PIGQ: variants seen among roughly 807,000 people sequenced by gnomAD.
PIGQ encodes the protein phosphatidylinositol N-acetylglucosaminyltransferase subunit Q.
A neutral mutation model predicts 60.3 loss-of-function variants in PIGQ; 54 were observed. The observed-to-expected ratio is 0.90, with a 90% CI of 0.72 to 1.12. The LOEUF (loss-of-function observed/expected upper bound fraction) is 1.12, where lower values mean the gene tolerates loss of function less well. PIGQ is among the 50% of genes most tolerant of loss of function. The pLI, the probability that PIGQ is intolerant of heterozygous loss-of-function variation, is 0.00. For synonymous variants in PIGQ, 416 were observed against 363.7 expected, an observed-to-expected ratio of 1.14 and a Z score of -1.64; for missense variants, 799 against 793.5, an observed-to-expected ratio of 1.01 and a Z score of -0.08.
Position 574,622 on chromosome 16 carries a change from AG to A in PIGQ, c.551del (p.Gly184AlafsTer5), listed in dbSNP as rs767373792. The part of the protein sequence containing the change: ...EVLFRSDRFD[E>X]GPVRLSHWQS... ...CTCTTCCGCAGTGACCGCTTTGATG[AG>A]GGCCCCGTGCGGCTGAGCCACTGGC... On this transcript the variant is annotated frameshift_variant, in exon 2 of 11. Coordinates refer to ENST00000321878, the MANE Select transcript of PIGQ (RefSeq NM_004204.5). LOFTEE classifies it high-confidence loss of function. 38 of 1,606,540 alleles carry A rather than the reference AG, an allele frequency of 2.4e-5. No homozygotes were observed. Among genetic ancestry groups the A allele is most frequent in the Non-Finnish European group, 3.1e-5 (36 of 1,177,938 alleles).
At chr16:580,804 C>T in intron 8 of PIGQ, 54 bp from the exon 9 acceptor site, 2 of 834,114 alleles carry the variant, frequency 2.4e-6, no homozygotes, top group Non-Finnish European at 4.2e-6. Context: ...GGTCGGACTG[C>T]TCTGCCCCCA....
chr16:582,035 C>T lies in PIGQ; in HGVS notation c.1532-213C>T, dbSNP rs758883440. 7.0e-5 allele frequency: 45 copies of T among 643,530 alleles called. 1 individual carries two copies. The highest frequency in any genetic ancestry group is 6.8e-4 in the African/African-American group (38 of 55,808). The allele number at this position is 643,530 out of a possible 1,614,324, so 39.9% of individuals were successfully genotyped here. A position where few individuals can be genotyped will look rare whatever the true frequency, so the allele number is the denominator to read the frequency against. On this transcript the variant is annotated intron_variant, in intron 9 of 10. Transcript: ENST00000321878. Reference sequence around the variant, plus strand: ...CCTCCCAAAATGCTGGGATTACAGGCGTGAGCCACCGTGCCTGGCTGCAGG... The same window carrying T: ...CCTCCCAAAATGCTGGGATTACAGGTGTGAGCCACCGTGCCTGGCTGCAGG...
At position 579,037 on chromosome 16, in the gene PIGQ, G is replaced by GGGGCC. The variant is rs765349422; in HGVS notation, c.1224-26_1224-22dup. 251 of 1,570,426 alleles carry GGGGCC rather than the reference G, an allele frequency of 1.6e-4. 1 individual carries two copies. The highest frequency in any genetic ancestry group is 4.1e-4 in the Middle Eastern group (2 of 4,844). On this transcript the variant is annotated intron_variant, in intron 6 of 10. Coordinates refer to ENST00000321878, the MANE Select transcript of PIGQ (RefSeq NM_004204.5). ...GGGCGGGGGCGGGGCGGGGCGGGGC[G>GGGGCC]GGGCCGGGCCCGACAGCACTGCGTC...
chr16:580,384 C>T, intron 8 of PIGQ, 121 bp downstream of exon 8: 1 of 715,204 alleles, frequency 1.4e-6, no homozygotes, highest in South Asian at 1.8e-5. Context: ...CGTGGGTGGC[C>T]TTTCAGGACC....
At position 575,871 on chromosome 16, in the gene PIGQ, G is replaced by C; in HGVS notation, c.722G>C (p.Gly241Ala). 1 of 1,571,854 alleles carries C rather than the reference G, an allele frequency of 6.4e-7. No homozygotes were observed. Among genetic ancestry groups the C allele is most frequent in the East Asian group, 2.3e-5 (1 of 42,742 alleles). The change falls in exon 3 of 11, where the codon GGG (glycine) becomes GCG (alanine). Residue 241 changes from glycine (G) to alanine (A), a missense_variant. Coordinates refer to ENST00000321878, the MANE Select transcript of PIGQ (RefSeq NM_004204.5). Reference protein sequence around the residue: ...VFKLWPLSFLGSKLSTCEQLR... With the variant: ...VFKLWPLSFLASKLSTCEQLR... ...AAGCTCTGGCCCCTGTCCTTCCTCG[G>C]GAGCAAACTCTCCACGTGCGAACAG...
chr16:578,642 TGAGGGCTGGGGCCTGGGCACCTCCC>T (rs2035759902), intron 5 of PIGQ, 118 bp from the exon 6 acceptor site: 7 of 1,403,216 alleles, frequency 5.0e-6, no homozygotes, highest in South Asian at 1.3e-5. Context: ...TGTGCTCAGC[TGAGGGCTGGGGCCTGGGCACCTCCC>T]GAGGGCTGAC....
chr16:578,514 A>G lies in PIGQ; in HGVS notation c.1069+9A>G. Reference sequence around the variant, plus strand: ...CATCCACCTGTGGATCAGTGAGTGCAGGGCAGGCGGGGGCCCCAGGGACCC... The same window carrying G: ...CATCCACCTGTGGATCAGTGAGTGCGGGGCAGGCGGGGGCCCCAGGGACCC... On this transcript the variant is annotated intron_variant, in intron 5 of 10. Transcript: ENST00000321878. 6.2e-7 allele frequency: 1 copy of G among 1,609,728 alleles called. No individual in the cohort carries two copies. The highest frequency in any genetic ancestry group is 8.5e-7 in the Non-Finnish European group (1 of 1,178,094).
intron 9 of PIGQ, 162 bp downstream of exon 9, chr16:581,134 A>T: frequency 1.4e-6 from 2 of 1,452,504 alleles, no homozygotes; most frequent in Non-Finnish European, 1.8e-6. Context: ...CTAGTCCCAG[A>T]GGTCTGCAGG....
intron 1 of PIGQ, 128 bp downstream of exon 1, chr16:570,224 C>T (rs939120158): frequency 9.9e-5 from 15 of 152,010 alleles, no homozygotes; most frequent in African/African-American, 3.6e-4. Flanking sequence ...AGTGGGGCCG[C>T]CCCCGGGCCC....
chr16:580,875 C>T lies in PIGQ; in HGVS notation c.1434C>T (p.Val478=), dbSNP rs747297694. 2.6e-5 allele frequency: 41 copies of T among 1,547,946 alleles called. No individual in the cohort carries two copies. The highest frequency in any genetic ancestry group is 9.0e-5 in the East Asian group (4 of 44,672). ...TGCCACAGCTCCGGCTCCTGGTGGT[C>T]GCCGTGCAGGGCCTGATCCATCTGC... ...LVFTLLRLLV[V]AVQGLIHLLV... Residue 478 remains valine (V), a synonymous_variant, in exon 9 of 11, where the codon GTC becomes GTT. Coordinates refer to ENST00000321878, the MANE Select transcript of PIGQ (RefSeq NM_004204.5).
At chr16:582,634 C>T (rs576442355) in intron 10 of PIGQ, 211 of 586,844 alleles carry the variant, frequency 3.6e-4, no homozygotes, top group South Asian at 7.1e-4. Flanking sequence ...GTGGGGTGTG[C>T]GTCCCTGTGG....
In PIGQ at chr16:582,605, C is replaced by T. The variant is rs1229436403; in HGVS notation, c.1594-278C>T. The T allele has an allele frequency of 1.6e-5, 9 of 574,926 alleles. No individual in the cohort carries two copies. The East Asian group carries it at 2.0e-4, about 13-fold the overall frequency. 35.6% of individuals were successfully genotyped at this position (574,926 alleles called of 1,614,324 possible). The stretch of plus-strand genomic sequence containing the variant: ...GCTCAAGTTCTGGGTGGAACAGAAC[C>T]GACTGAGTGAGTCCTGGGGTGGGGT... On this transcript the variant is annotated intron_variant, in intron 10 of 10. Coordinates refer to ENST00000321878, the MANE Select transcript of PIGQ (RefSeq NM_004204.5).
At chr16:580,069 C>T (rs1430486907) in intron 7 of PIGQ, 114 bp from the exon 8 acceptor site, 3 of 715,578 alleles carry the variant, frequency 4.2e-6, no homozygotes, top group South Asian at 2.1e-5. Flanking sequence ...CCCGAGTTCC[C>T]TCAGGAAGCC....
Position 571,448 on chromosome 16 carries a change from G to A in PIGQ, c.-10+1352G>A, listed in dbSNP as rs1483223486. 3.9e-5 allele frequency among the ~76,000 whole-genome samples: 5 copies of A among 129,702 alleles called. No individual in the cohort carries two copies. The East Asian group carries it at 1.2e-3, about 31-fold the overall frequency. 85.1% of individuals were successfully genotyped at this position (129,702 alleles called of 152,430 possible). A position where few individuals can be genotyped will look rare whatever the true frequency, so the allele number is the denominator to read the frequency against. Reference sequence around the variant, plus strand: ...GTCTGGTTAGCCTGTGTGTGTGTGTGTGTGTTTGTGTCTGGCTAGCCTGTG... The same window carrying A: ...GTCTGGTTAGCCTGTGTGTGTGTGTATGTGTTTGTGTCTGGCTAGCCTGTG... On this transcript the variant is annotated intron_variant, in intron 1 of 10. Transcript: ENST00000321878.
At chr16:572,630 T>G (rs751483205) in intron 1 of PIGQ, 197 of 455,666 alleles carry the variant, frequency 4.3e-4, no homozygotes, top group Non-Finnish European at 6.8e-4. Context: ...AAGGGCGTGG[T>G]GGGCTCTGAG....
In PIGQ at chr16:574,749, T is replaced by C. The variant is rs1467841567; in HGVS notation, c.675T>C (p.Ala225=). Residue 225 remains alanine (A), a synonymous_variant, in exon 2 of 11, where the codon GCT becomes GCC. Transcript: ENST00000321878. ...CCAGCCTGCTGTCGCTGGTCTCAGC[T>C]GTCAGTGCCTGCCGGTAGGTGTCCC... ...LLASLLSLVS[A]VSACRVFKLW... 2 of 1,573,064 alleles carry C rather than the reference T, an allele frequency of 1.3e-6. No homozygotes were observed. The highest frequency in any genetic ancestry group is 1.7e-6 in the Non-Finnish European group (2 of 1,164,226).
chr16:573,895 C>T (rs917174849), intron 1 of PIGQ, among the ~76,000 whole-genome samples, 171 bp from the exon 2 acceptor site: 2 of 152,160 alleles, frequency 1.3e-5, no homozygotes, highest in African/African-American at 2.4e-5. Flanking sequence ...GCATGGCCCA[C>T]GCGAGGCGGC....
At chr16:574,824 C>T in intron 2 of PIGQ, 61 bp downstream of exon 2, 3 of 1,307,270 alleles carry the variant, frequency 2.3e-6, no homozygotes, top group Non-Finnish European at 3.1e-6. Context: ...TGGCCCATCC[C>T]TTTGTCTGCA....
At chr16:576,282 T>G (rs1383662219) in intron 4 of PIGQ, 28 bp downstream of exon 4, 1 of 1,548,636 alleles carries the variant, frequency 6.5e-7, no homozygotes, top group Non-Finnish European at 8.7e-7. Flanking sequence ...GAGCCCGGTG[T>G]CCCGGGTGGG....
Sources: gnomAD v4.1 joint callset for allele counts (sites outside exome capture counted in the v4.1 genomes callset) on GRCh38, gnomAD v4.1.1 for gene constraint, MANE v1.5 for transcripts, NCBI Gene and HGNC (gene_info 2026-07-23, HGNC 2026-07-21) for gene names.